ACAT2: variants seen among roughly 807,000 people sequenced by gnomAD.
ACAT2 encodes the protein acetyl-CoA acetyltransferase, cytosolic.
ACAT2 carries 26 observed loss-of-function variants against 37.1 expected under a neutral mutation model. That is an observed-to-expected ratio of 0.70 (90% CI 0.51 to 0.97). ACAT2 has a LOEUF of 0.97. Ranked by LOEUF, ACAT2 falls within the 50% of genes least tolerant of loss-of-function variation. The pLI is 0.00. For missense variants in ACAT2, 468 were observed against 489.0 expected (o/e 0.96, Z 0.40); for synonymous variants, 156 against 163.6 (o/e 0.95, Z 0.35).
rs755707990 is a variant in ACAT2, at chr6:159,762,062, G to T, written c.-26G>T. 1 of 1,611,972 alleles carries T rather than the reference G, an allele frequency of 6.2e-7. No individual in the cohort carries two copies. Among genetic ancestry groups the T allele is most frequent in the South Asian group, 1.1e-5 (1 of 90,668 alleles). ...CTTTGCCTAGCTTGCAGGCAGCGCA[G>T]GGCAGACGGCGGCAGGAGAAGCAAG... On this transcript the variant is annotated 5_prime_UTR_variant, in exon 1 of 9. It adds an upstream start codon to the 5' untranslated region. Coordinates refer to ENST00000367048, the MANE Select transcript of ACAT2 (RefSeq NM_005891.3).
At chr6:159,772,809 CAA>C (rs79050096) in intron 4 of ACAT2, among the ~76,000 whole-genome samples, 8 of 119,128 alleles carry the variant, frequency 6.7e-5, no homozygotes, top group Admixed American at 1.6e-4. Flanking sequence ...CATCATCCAA[CAA>C]AAAAAAAAAA....
chr6:159,776,030 A>G (rs879200400), intron 5 of ACAT2, 120 bp from the exon 6 acceptor site: 1 of 1,123,762 alleles, frequency 8.9e-7, no homozygotes, highest in Non-Finnish European at 1.3e-6. Flanking sequence ...AAGTGGTCAC[A>G]TATTAAAACT....
chr6:159,762,306 C>T, intron 1 of ACAT2, 164 bp downstream of exon 1: 1 of 1,222,924 alleles, frequency 8.2e-7, no homozygotes, highest in Non-Finnish European at 1.1e-6. Context: ...CCCGCGTTCC[C>T]TGACCTGGTG....
At position 159,777,544 on chromosome 6, in the gene ACAT2, C is replaced by T. The variant is rs1199412915; in HGVS notation, c.912+88C>T. 2.9e-6 allele frequency: 4 copies of T among 1,383,138 alleles called. No individual in the cohort carries two copies. The South Asian group carries it at 4.3e-5, about 15-fold the overall frequency. 85.7% of individuals were successfully genotyped at this position (1,383,138 alleles called of 1,614,324 possible). On this transcript the variant is annotated intron_variant, in intron 7 of 8. Coordinates refer to ENST00000367048, the MANE Select transcript of ACAT2 (RefSeq NM_005891.3). ...TCATGTAGTTAGCTCTAGTCTTTCCCTACCAGAAGAGTAACCAAGAGCATT... is the reference window on the plus strand; with the variant it reads ...TCATGTAGTTAGCTCTAGTCTTTCCTTACCAGAAGAGTAACCAAGAGCATT...
At chr6:159,767,966 G>A (rs1248849338) in intron 3 of ACAT2, among the ~76,000 whole-genome samples, 1 of 152,180 alleles carries the variant, frequency 6.6e-6, no homozygotes, top group African/African-American at 2.4e-5. Flanking sequence ...GGAAACTGAG[G>A]ACCAGAGCCA....
Position 159,772,393 on chromosome 6 carries a change from G to A in ACAT2, c.491-2777G>A, listed in dbSNP as rs187698717. Among the ~76,000 whole-genome samples the A allele has an allele frequency of 8.5e-5, 13 of 152,320 alleles. 1 individual carries two copies. Among genetic ancestry groups the A allele is most frequent in the Admixed American group, 7.8e-4 (12 of 15,300 alleles). ...AATGTGGTTTTGGCATAAGGACAGA[G>A]AAAGAGAACAGAGTTCAGAAATAGA... On this transcript the variant is annotated intron_variant, in intron 4 of 8. Coordinates refer to ENST00000367048, the MANE Select transcript of ACAT2 (RefSeq NM_005891.3).
chr6:159,762,087 G>A lies in ACAT2; in HGVS notation c.-1G>A, dbSNP rs991608110. 5 of 1,613,090 alleles carry A rather than the reference G, an allele frequency of 3.1e-6. No individual in the cohort carries two copies. The African/African-American group carries it at 5.3e-5, about 17-fold the overall frequency. ...GGGCAGACGGCGGCAGGAGAAGCAA[G>A]ATGAATGCAGGCTCAGATCCTGTGG... On this transcript the variant is annotated 5_prime_UTR_variant, in exon 1 of 9. Coordinates refer to ENST00000367048, the MANE Select transcript of ACAT2 (RefSeq NM_005891.3).
At chr6:159,762,638 A>C in intron 1 of ACAT2, 1 of 1,433,080 alleles carries the variant, frequency 7.0e-7, no homozygotes, top group Non-Finnish European at 9.2e-7. Context: ...TTTGGGAAGC[A>C]TGGGGTCGCA....
intron 3 of ACAT2, among the ~76,000 whole-genome samples, chr6:159,768,231 A>C (rs1057266531): frequency 5.3e-5 from 8 of 152,164 alleles, no homozygotes; most frequent in Admixed American, 5.2e-4. Context: ...GGAAAGAATA[A>C]ATGGAATTCT....
intron 4 of ACAT2, among the ~76,000 whole-genome samples, chr6:159,770,766 TGAA>T (rs1329076279): frequency 6.6e-6 from 1 of 151,344 alleles, no homozygotes; most frequent in Non-Finnish European, 1.5e-5. Context: ...AGAAAAATAA[TGAA>T]GAATAAATGA....
intron 4 of ACAT2, among the ~76,000 whole-genome samples, chr6:159,771,778 C>T (rs986219605): frequency 4.6e-5 from 7 of 151,936 alleles, no homozygotes; most frequent in Non-Finnish European, 1.0e-4. Context: ...TGTAGTCCCA[C>T]CTACTCAAGA....
chr6:159,778,255 A>C lies in ACAT2; in HGVS notation c.998A>C (p.Lys333Thr). 6.2e-7 allele frequency: 1 copy of C among 1,610,700 alleles called. No individual in the cohort carries two copies. Among genetic ancestry groups the C allele is most frequent in the Non-Finnish European group, 8.5e-7 (1 of 1,179,080 alleles). Residue 333 changes from lysine (K) to threonine (T), a missense_variant, in exon 8 of 9, where the codon AAA becomes ACA. Transcript: ENST00000367048. ...AFAAVSAAIV[K>T]ELGLNPEKVN... ...GCAGCTGTCTCTGCTGCAATAGTTA[A>C]AGAACTTGGATTAAACCCAGAGAAG...
intron 2 of ACAT2, among the ~76,000 whole-genome samples, chr6:159,763,590 G>C (rs1179281698): frequency 2.3e-5 from 3 of 130,858 alleles, no homozygotes; most frequent in African/African-American, 8.5e-5. Flanking sequence ...AATGAACTTA[G>C]ACCACTGACC....
chr6:159,766,559 G>A (rs1239539842), intron 2 of ACAT2, among the ~76,000 whole-genome samples: 3 of 152,018 alleles, frequency 2.0e-5, no homozygotes, highest in African/African-American at 4.8e-5. Context: ...GCGCCACCAC[G>A]CCTAGCTAAT....
At chr6:159,776,403 G>T (rs544407078) in intron 6 of ACAT2, 131 bp downstream of exon 6, 2 of 1,170,076 alleles carry the variant, frequency 1.7e-6, no homozygotes, top group African/African-American at 1.6e-5. Flanking sequence ...AGCCAGGTTC[G>T]TGTGCAGCAA....
At chr6:159,774,262 A>G (rs2114983088) in intron 4 of ACAT2, among the ~76,000 whole-genome samples, 1 of 152,356 alleles carries the variant, frequency 6.6e-6, no homozygotes, top group South Asian at 2.1e-4. Flanking sequence ...CAAAAATATC[A>G]AGCTTAAGAA....
intron 2 of ACAT2, among the ~76,000 whole-genome samples, chr6:159,764,417 A>G (rs1780220935): frequency 1.3e-5 from 2 of 151,782 alleles, no homozygotes; most frequent in South Asian, 4.1e-4. Flanking sequence ...GGGTTTGAAC[A>G]CTCGTAATTA....
chr6:159,768,589 C>A lies in ACAT2; in HGVS notation c.451C>A (p.Leu151Ile). 3 of 1,613,340 alleles carry A rather than the reference C, an allele frequency of 1.9e-6. No individual in the cohort carries two copies. The highest frequency in any genetic ancestry group is 1.1e-5 in the South Asian group (1 of 91,044). Residue 151 changes from leucine to isoleucine, a missense_variant, in exon 4 of 9, where the codon CTT (leucine) becomes ATT (isoleucine). Physicochemically the swap from Leu to Ile is conservative, Grantham distance 5. Coordinates refer to ENST00000367048, the MANE Select transcript of ACAT2 (RefSeq NM_005891.3). ...GACTGACAGTATACTCTGTGATGGT[C>A]TTACAGATGCATTTCACAACTGTCA... The part of the protein sequence containing the change: ...PLTDSILCDG[L>I]TDAFHNCHMG...
chr6:159,775,298 G>A lies in ACAT2; in HGVS notation c.619G>A (p.Val207Met). 2.5e-6 allele frequency: 4 copies of A among 1,614,152 alleles called. No individual in the cohort carries two copies. Among genetic ancestry groups the A allele is most frequent in the East Asian group, 2.2e-5 (1 of 44,890 alleles). Residue 207 changes from valine to methionine, a missense_variant, in exon 5 of 9, where the codon GTG (valine) becomes ATG (methionine). Val to Met is a conservative substitution (Grantham distance 21). Transcript: ENST00000367048. ...TGACAAAGAGATTGTACCAGTTTTG[G>A]TGTCAACTAGAAAAGGTGAGTATAT... is the stretch of plus-strand genomic sequence containing the variant. ...HFDKEIVPVLVSTRKGLIEVK... is the reference protein window; with the variant it reads ...HFDKEIVPVLMSTRKGLIEVK...
Sources: allele counts gnomAD v4.1 joint callset (sites outside exome capture counted in the v4.1 genomes callset), GRCh38; gene constraint gnomAD v4.1.1; transcripts MANE v1.5; gene names NCBI Gene and HGNC (gene_info 2026-07-23, HGNC 2026-07-21).